Variants in FOXP1 observed in about 807,000 individuals in gnomAD.
FOXP1 encodes forkhead box protein P1.
Under a neutral mutation model 98.2 loss-of-function variants are expected in FOXP1, and 15 were observed. That is an observed-to-expected ratio of 0.15 (90% CI 0.10 to 0.24). The LOEUF is 0.24. Among genes scored for constraint, FOXP1 ranks in the 10% least tolerant of loss-of-function variants. The pLI is 1.00. For missense variants in FOXP1, 633 were observed against 848.5 expected (o/e 0.75, Z 3.15); for synonymous variants, 371 against 314.5 (o/e 1.18, Z -1.90).
chr3:71,347,894 AAAAAC>A (rs2077473334), intron 4 of FOXP1, among the ~76,000 whole-genome samples: 1 of 152,078 alleles, frequency 6.6e-6, no homozygotes, highest in African/African-American at 2.4e-5. Flanking sequence ...CACAAAAAAA[AAAAAC>A]AGAGTTGTCC....
chr3:71,042,523 G>A (rs1296263284), intron 10 of FOXP1, among the ~76,000 whole-genome samples: 1 of 151,984 alleles, frequency 6.6e-6, no homozygotes, highest in Admixed American at 6.6e-5. Flanking sequence ...CAACAACAAC[G>A]ACAACAAGCA....
At chr3:70,978,107 C>T in intron 14 of FOXP1, 78 bp from the exon 15 acceptor site, 1 of 1,201,552 alleles carries the variant, frequency 8.3e-7, no homozygotes, top group Non-Finnish European at 1.2e-6. Context: ...GCAGGAGTAA[C>T]ACAGAGGATG....
intron 19 of FOXP1, among the ~76,000 whole-genome samples, chr3:70,967,771 G>C (rs1335384598): frequency 1.6e-5 from 2 of 128,978 alleles, no homozygotes; most frequent in Non-Finnish European, 3.1e-5. Context: ...TTTTATCTGA[G>C]AGAGGTGTGA....
rs189373845 is a variant in FOXP1, at chr3:71,551,247, T to C, written c.-298+30302A>G. On this transcript the variant is annotated intron_variant, in intron 2 of 20. Coordinates refer to ENST00000649528, the MANE Select transcript of FOXP1 (RefSeq NM_001349338.3). ...ATCAAGGTTCCATCCACAAAAACAT[T>C]CTATAAAATGTCAAGACATTTATAA... 6.4e-3 allele frequency among the ~76,000 whole-genome samples: 979 copies of C among 152,276 alleles called. 21 individuals carry two copies. The highest frequency in any genetic ancestry group is 8.8e-3 in the Non-Finnish European group (596 of 68,028).
At chr3:71,040,840 G>A (rs1009023601) in intron 11 of FOXP1, among the ~76,000 whole-genome samples, 3 of 152,162 alleles carry the variant, frequency 2.0e-5, no homozygotes, top group South Asian at 2.1e-4. Context: ...GAATACATAC[G>A]GGAAAGACCA....
intron 4 of FOXP1, among the ~76,000 whole-genome samples, chr3:71,318,645 A>G (rs2107656888): frequency 6.6e-6 from 1 of 152,262 alleles, no homozygotes; most frequent in African/African-American, 2.4e-5. Flanking sequence ...CACTATTTAG[A>G]CGTGGGCTGC....
intron 2 of FOXP1, among the ~76,000 whole-genome samples, chr3:71,528,224 G>T (rs1248877688): frequency 6.6e-6 from 1 of 152,148 alleles, no homozygotes; most frequent in Admixed American, 6.5e-5. Flanking sequence ...CTAGTAAATT[G>T]CTGACAAACA....
At position 71,057,543 on chromosome 3, in the gene FOXP1, G is replaced by A. The variant is rs544826719; in HGVS notation, c.283-3770C>T. On this transcript the variant is annotated intron_variant, in intron 7 of 20. Coordinates refer to ENST00000649528, the MANE Select transcript of FOXP1 (RefSeq NM_001349338.3). Reference sequence around the variant, plus strand: ...GTATATAGAAATGAGTATGTTTTATGAGTTAACAATGAATCATAGAAGGCA... The same window carrying A: ...GTATATAGAAATGAGTATGTTTTATAAGTTAACAATGAATCATAGAAGGCA... Among the ~76,000 whole-genome samples the A allele has an allele frequency of 2.7e-5, 4 of 150,760 alleles. No homozygotes were observed. The South Asian group carries it at 6.3e-4, about 24-fold the overall frequency.
At chr3:71,047,370 C>T (rs533457260) in intron 9 of FOXP1, among the ~76,000 whole-genome samples, 4 of 152,292 alleles carry the variant, frequency 2.6e-5, no homozygotes, top group African/African-American at 9.6e-5. Flanking sequence ...TGAGTTTTGT[C>T]ATCAAGATGT....
rs75863669 is a variant in FOXP1 at position 71,424,480 on chromosome 3, C to G, written c.-167-65236G>C. Among the ~76,000 whole-genome samples, 965 of 152,236 alleles carry G rather than the reference C, an allele frequency of 6.3e-3. 11 individuals are homozygous for G. The highest frequency in any genetic ancestry group is 0.023 in the African/African-American group (937 of 41,536). On this transcript the variant is annotated intron_variant, in intron 3 of 20. Transcript: ENST00000649528. The stretch of plus-strand genomic sequence containing the variant: ...AAAGAGGATTCCATGTCTGGTTCTC[C>G]TGACTCTAAATTTGTGATATTTCCA...
At chr3:70,966,367 C>T (rs1033174915) in intron 19 of FOXP1, 5 of 377,770 alleles carry the variant, frequency 1.3e-5, no homozygotes, top group African/African-American at 2.1e-5. Flanking sequence ...ATGTCGGATG[C>T]GTTTTTAAGA....
intron 4 of FOXP1, among the ~76,000 whole-genome samples, chr3:71,340,502 T>C (rs531071281): frequency 6.6e-6 from 1 of 152,308 alleles, no homozygotes; most frequent in East Asian, 1.9e-4. Context: ...GAGTCAGAGA[T>C]TTAGCAACAA....
chr3:71,500,233 A>G (rs897727952), intron 2 of FOXP1, among the ~76,000 whole-genome samples: 1 of 152,248 alleles, frequency 6.6e-6, no homozygotes, highest in African/African-American at 2.4e-5. Context: ...GACTAATTAG[A>G]ACACATGGGG....
At chr3:70,988,854 C>A (rs775021688) in intron 13 of FOXP1, among the ~76,000 whole-genome samples, 2 of 151,994 alleles carry the variant, frequency 1.3e-5, no homozygotes, top group Non-Finnish European at 2.9e-5. Flanking sequence ...GGACACATAA[C>A]GATTACTTCT....
chr3:71,027,969 T>G, intron 11 of FOXP1, among the ~76,000 whole-genome samples: 1 of 152,238 alleles, frequency 6.6e-6, no homozygotes, highest in South Asian at 2.1e-4. Flanking sequence ...CAGTGATAAC[T>G]GAACAGATGG....
intron 13 of FOXP1, among the ~76,000 whole-genome samples, chr3:70,990,512 T>A (rs1204649758): frequency 6.6e-6 from 1 of 152,206 alleles, no homozygotes; most frequent in South Asian, 2.1e-4. Context: ...AATATGAGGA[T>A]ACAAACATTT....
At chr3:71,184,301 C>T (rs1241145872) in intron 6 of FOXP1, among the ~76,000 whole-genome samples, 1 of 152,128 alleles carries the variant, frequency 6.6e-6, no homozygotes, top group Admixed American at 6.5e-5. Flanking sequence ...ATGTCCAATG[C>T]CAAAATACCC....
At chr3:71,057,308 T>TG (rs2050804183) in intron 7 of FOXP1, among the ~76,000 whole-genome samples, 1 of 125,774 alleles carries the variant, frequency 8.0e-6, no homozygotes, top group Non-Finnish European at 1.7e-5. Context: ...TTTTTTTTTT[T>TG]TTTTTTTTTT....
At chr3:71,123,122 C>G (rs1179564017) in intron 6 of FOXP1, among the ~76,000 whole-genome samples, 1 of 152,162 alleles carries the variant, frequency 6.6e-6, no homozygotes, top group Non-Finnish European at 1.5e-5. Flanking sequence ...CCCACATTTA[C>G]ATGGCATCCA....
Sources: allele counts gnomAD v4.1 joint callset (sites outside exome capture counted in the v4.1 genomes callset), GRCh38; gene constraint gnomAD v4.1.1; transcripts MANE v1.5; gene names NCBI Gene and HGNC (gene_info 2026-07-23, HGNC 2026-07-21).